EFHC2: variants seen among roughly 807,000 people sequenced by gnomAD.
The protein encoded by EFHC2 is EF-hand domain containing 2, also known as EF-hand domain-containing family member C2.
EFHC2 carries 18 observed loss-of-function variants against 52.7 expected under a neutral mutation model. The ratio of observed to expected loss-of-function variants is 0.34; its 90% CI spans 0.24 to 0.51. The LOEUF (loss-of-function observed/expected upper bound fraction) is 0.51. Ranked by LOEUF, EFHC2 falls within the 20% of genes least tolerant of loss-of-function variation. EFHC2 has a pLI of 0.97. For missense variants in EFHC2, 513 were observed against 562.5 expected (o/e 0.91, Z 0.89); for synonymous variants, 203 against 204.1 (o/e 0.99, Z 0.04).
intron 4 of EFHC2, among the ~76,000 whole-genome samples, chrX:44,254,625 A>G (rs1454493372): frequency 8.0e-5 from 9 of 112,148 alleles, no homozygotes; most frequent in Non-Finnish European, 5.6e-5. Flanking sequence ...GGACTATGTG[A>G]AAAGACCAAA....
chrX:44,180,070 C>T (rs1015347116), intron 11 of EFHC2, among the ~76,000 whole-genome samples: 2 of 111,660 alleles, frequency 1.8e-5, no homozygotes, highest in Admixed American at 9.5e-5. Context: ...AATGTGAACC[C>T]GTGTAGTCTG....
chrX:44,168,999 CA>C (rs1336049146), intron 13 of EFHC2, among the ~76,000 whole-genome samples: 2 of 109,379 alleles, frequency 1.8e-5, no homozygotes, highest in Non-Finnish European at 3.8e-5. Flanking sequence ...AAACAAAAAA[CA>C]AAAGGAACCA....
chrX:44,317,706 C>T (rs754622999), intron 1 of EFHC2, among the ~76,000 whole-genome samples: 22 of 113,228 alleles, frequency 1.9e-4, no homozygotes, highest in African/African-American at 6.4e-4. Flanking sequence ...GGAGCGCTTG[C>T]GCTCACGAGG....
chrX:44,269,645 C>T (rs185672789), intron 3 of EFHC2, among the ~76,000 whole-genome samples: 8 of 111,239 alleles, frequency 7.2e-5, no homozygotes, highest in East Asian at 5.7e-4. Flanking sequence ...CCTTCCACCA[C>T]GAGTAAAAGC....
chrX:44,181,289 A>C (rs989663050), intron 11 of EFHC2, among the ~76,000 whole-genome samples: 3 of 111,155 alleles, frequency 2.7e-5, no homozygotes, highest in African/African-American at 9.8e-5. Flanking sequence ...TTTTAAAAAA[A>C]AGTATTTCCA....
chrX:44,253,990 A>G (rs1181547347), intron 4 of EFHC2, among the ~76,000 whole-genome samples: 2 of 112,437 alleles, frequency 1.8e-5, no homozygotes, highest in African/African-American at 6.5e-5. Context: ...TCTGGATTGG[A>G]CTTCCAGGAA....
At chrX:44,319,927 TA>T (rs769875525) in intron 1 of EFHC2, among the ~76,000 whole-genome samples, 30 of 111,245 alleles carry the variant, frequency 2.7e-4, no homozygotes, top group African/African-American at 7.5e-4. Context: ...TTATTTTATT[TA>T]TTTTTTTTAT....
intron 13 of EFHC2, among the ~76,000 whole-genome samples, chrX:44,174,651 A>AG (rs370737090): frequency 0.068 from 3,847 of 56,321 alleles, 270 homozygotes; most frequent in African/African-American, 0.21. Flanking sequence ...CAAAAAAAAA[A>AG]GGGGGGGGGA....
chrX:44,184,150 C>T (rs758681353), intron 11 of EFHC2, among the ~76,000 whole-genome samples: 23 of 111,867 alleles, frequency 2.1e-4, no homozygotes, highest in Admixed American at 3.8e-4. Flanking sequence ...ACTCAAAAGC[C>T]TCATGATGGC....
chrX:44,181,265 A>G (rs2036833391), intron 11 of EFHC2, among the ~76,000 whole-genome samples: 3 of 110,796 alleles, frequency 2.7e-5, no homozygotes, highest in South Asian at 7.6e-4. Flanking sequence ...ATTATCCTGA[A>G]TGGTTGAGAT....
chrX:44,248,988 G>T, intron 5 of EFHC2, 72 bp from the exon 6 acceptor site: 1 of 659,137 alleles, frequency 1.5e-6, no homozygotes, highest in Non-Finnish European at 2.2e-6. Flanking sequence ...CCCCAGGGCT[G>T]GCATAGAGGT....
At chrX:44,234,186 A>T (rs1244549152) in intron 9 of EFHC2, among the ~76,000 whole-genome samples, 1 of 111,646 alleles carries the variant, frequency 9.0e-6, no homozygotes, top group East Asian at 2.8e-4. Context: ...AACCTCATAA[A>T]GTCCTTGTAA....
chrX:44,299,880 T>C (rs1443285908), intron 2 of EFHC2, among the ~76,000 whole-genome samples: 1 of 111,528 alleles, frequency 9.0e-6, no homozygotes, highest in African/African-American at 3.3e-5. Context: ...CGGGGAAAGC[T>C]GTGAAAAGGG....
chrX:44,309,506 CA>C, intron 2 of EFHC2: 2 of 1,209,554 alleles, frequency 1.7e-6, no homozygotes, highest in Admixed American at 4.3e-5. Flanking sequence ...GCCACAAACT[CA>C]ATGTATTGCT....
chrX:44,312,537 A>T, intron 2 of EFHC2, 31 bp downstream of exon 2: 1 of 1,115,745 alleles, frequency 9.0e-7, no homozygotes. Context: ...AAATGCTAAG[A>T]CTGCATTCCT....
At chrX:44,174,139 A>G (rs904815142) in intron 13 of EFHC2, among the ~76,000 whole-genome samples, 1 of 112,030 alleles carries the variant, frequency 8.9e-6, no homozygotes, top group African/African-American at 3.2e-5. Flanking sequence ...AATTCTTTGC[A>G]CCAGGTACTG....
intron 1 of EFHC2, among the ~76,000 whole-genome samples, chrX:44,328,147 C>T (rs1249477652): frequency 8.9e-6 from 1 of 111,841 alleles, no homozygotes; most frequent in Non-Finnish European, 1.9e-5. Flanking sequence ...CAAATTCCTT[C>T]TCCCTTGCAA....
intron 10 of EFHC2, 34 bp from the exon 11 acceptor site, chrX:44,229,813 A>T: frequency 8.5e-7 from 1 of 1,180,687 alleles, no homozygotes; most frequent in Non-Finnish European, 1.1e-6. Context: ...AAACATATTT[A>T]AATATTCCTA....
intron 3 of EFHC2, among the ~76,000 whole-genome samples, chrX:44,270,262 C>G (rs751253463): frequency 2.7e-5 from 3 of 111,882 alleles, no homozygotes; most frequent in African/African-American, 9.7e-5. Flanking sequence ...TTCCAACCAC[C>G]AGACACAATG....
Sources: allele counts gnomAD v4.1 joint callset (sites outside exome capture counted in the v4.1 genomes callset), GRCh38; gene constraint gnomAD v4.1.1; transcripts MANE v1.5; gene names NCBI Gene and HGNC (gene_info 2026-07-23, HGNC 2026-07-21).